The following LRP2 variants were observed in gnomAD, a reference collection of about 807,000 sequenced individuals.
LRP2 encodes the protein low-density lipoprotein receptor-related protein 2.
In LRP2, 172 loss-of-function variants were observed where a neutral mutation model predicts 531.0. The ratio of observed to expected loss-of-function variants is 0.32; its 90% CI spans 0.29 to 0.37. The LOEUF (loss-of-function observed/expected upper bound fraction) is 0.37, where lower values mean the gene tolerates loss of function less well. Among genes scored for constraint, LRP2 ranks in the 10% least tolerant of loss-of-function variants. LRP2 has a pLI of 1.00. For synonymous variants in LRP2, 1,992 were observed against 2,027.6 expected, an observed-to-expected ratio of 0.98 and a Z score of 0.47; for missense variants, 5,167 against 5,868.3, an observed-to-expected ratio of 0.88 and a Z score of 3.90.
intron 4 of LRP2, among the ~76,000 whole-genome samples, chr2:169,299,194 T>A (rs1684225744): frequency 2.7e-5 from 4 of 146,996 alleles, no homozygotes; most frequent in South Asian, 2.2e-4. Context: ...AGAAAGAAAT[T>A]CAGCACCTTG....
intron 4 of LRP2, among the ~76,000 whole-genome samples, chr2:169,301,244 T>C (rs1684277766): frequency 6.6e-6 from 1 of 152,090 alleles, no homozygotes; most frequent in African/African-American, 2.4e-5. Context: ...AACTGTACTA[T>C]TTTTGAGCAA....
chr2:169,290,700 A>G lies in LRP2; in HGVS notation c.922+145T>C, dbSNP rs571837750. On this transcript the variant is annotated intron_variant, in intron 8 of 78. Coordinates refer to ENST00000649046, the MANE Select transcript of LRP2 (RefSeq NM_004525.3). ...TAGCCAACCCACAGAACTGTGAGAA[A>G]TAAGACACGTTTCTCAGTTTATGCC... 2.3e-4 allele frequency: 200 copies of G among 853,782 alleles called. 2 individuals carry two copies. The South Asian group carries it at 3.0e-3, about 13-fold the overall frequency. 52.9% of individuals were successfully genotyped at this position (853,782 alleles called of 1,614,324 possible).
intron 61 of LRP2, among the ~76,000 whole-genome samples, chr2:169,167,244 A>G (rs1203585214): frequency 1.3e-5 from 2 of 152,238 alleles, no homozygotes; most frequent in African/African-American, 4.8e-5. Flanking sequence ...TAACAAGTAA[A>G]GAAAAATGTT....
Position 169,318,781 on chromosome 2 carries a change from T to C in LRP2, c.291A>G (p.Ser97=). The change falls in exon 3 of 79, where the codon TCA becomes TCG. Residue 97 remains serine (S), a synonymous_variant. Transcript: ENST00000649046. Reference sequence around the variant, plus strand: ...ACTTACAGCAATCTTGACGTTCATCTGAGCCATCATCACAGTCTTGATCTT... The same window carrying C: ...ACTTACAGCAATCTTGACGTTCATCCGAGCCATCATCACAGTCTTGATCTT... ...CDQDQDCDDG[S]DERQDCSQST... 1 of 1,614,170 alleles carries C rather than the reference T, an allele frequency of 6.2e-7. No individual in the cohort carries two copies. Among genetic ancestry groups the C allele is most frequent in the East Asian group, 2.2e-5 (1 of 44,888 alleles).
chr2:169,296,760 C>T (rs560685668), intron 4 of LRP2, among the ~76,000 whole-genome samples: 1 of 152,004 alleles, frequency 6.6e-6, no homozygotes, highest in South Asian at 2.1e-4. Flanking sequence ...AGAGCCAGTG[C>T]CAGAAAATTG....
intron 4 of LRP2, among the ~76,000 whole-genome samples, chr2:169,305,088 G>C (rs1334724052): frequency 6.6e-6 from 1 of 152,076 alleles, no homozygotes. Context: ...AAAATAAATA[G>C]ATAAATAAGA....
In LRP2 at chr2:169,204,283, C is replaced by CA. The variant is rs754348745; in HGVS notation, c.7716-13dup. On this transcript the variant is annotated splice_polypyrimidine_tract_variant and intron_variant, in intron 41 of 78. Coordinates refer to ENST00000649046, the MANE Select transcript of LRP2 (RefSeq NM_004525.3). Reference sequence around the variant, plus strand: ...GTTCAATCCTCTGCCTAAAATGAAGCAAAAAAAAATTTAGAAGTTGAAATC... The same window carrying CA: ...GTTCAATCCTCTGCCTAAAATGAAGCAAAAAAAAAATTTAGAAGTTGAAATC... The CA allele has an allele frequency of 7.1e-5, 113 of 1,599,346 alleles. No homozygotes were observed. The highest frequency in any genetic ancestry group is 1.7e-4 in the Middle Eastern group (1 of 6,004).
In LRP2 at chr2:169,173,218, G is replaced by C. The variant is rs772532904; in HGVS notation, c.11021C>G (p.Ser3674Cys). 3.1e-6 allele frequency: 5 copies of C among 1,614,162 alleles called. No homozygotes were observed. The South Asian group carries it at 5.5e-5, about 18-fold the overall frequency. Residue 3674 changes from serine to cysteine, a missense_variant, in exon 57 of 79, where the codon TCT becomes TGT. Transcript: ENST00000649046. ...TGTGAAGTTGTCACAGAGATGGGCA[G>C]AGCTCACTGAAAAGGGAGGAGGCAT... ...SDEPIEECMS[S>C]AHLCDNFTEF...
intron 71 of LRP2, among the ~76,000 whole-genome samples, chr2:169,141,523 A>G (rs1685717742): frequency 6.6e-6 from 1 of 152,242 alleles, no homozygotes; most frequent in African/African-American, 2.4e-5. Context: ...TAATTGCTTA[A>G]TTATTATACC....
At position 169,280,676 on chromosome 2, in the gene LRP2, T is replaced by A. The variant is rs574747078; in HGVS notation, c.1172-157A>T. On this transcript the variant is annotated intron_variant, in intron 10 of 78. Transcript: ENST00000649046. ...CTCTGAGGCAGACAGATAGCTAGCA[T>A]TCTATCCATTTTACAGAAGGGCAAA... Among the ~76,000 whole-genome samples the A allele has an allele frequency of 4.6e-5, 7 of 152,292 alleles. 1 individual carries two copies. The South Asian group carries it at 1.5e-3, about 32-fold the overall frequency.
chr2:169,148,423 A>G (rs1685999911), intron 68 of LRP2, among the ~76,000 whole-genome samples: 1 of 152,218 alleles, frequency 6.6e-6, no homozygotes, highest in African/African-American at 2.4e-5. Flanking sequence ...TGAATTGTAC[A>G]CTTTAAATGG....
chr2:169,360,288 A>G (rs1686114593), intron 1 of LRP2, among the ~76,000 whole-genome samples: 2 of 152,190 alleles, frequency 1.3e-5, no homozygotes, highest in African/African-American at 4.8e-5. Flanking sequence ...CCACTTTCTC[A>G]TCTGTAAAAC....
At position 169,172,083 on chromosome 2, in the gene LRP2, C is replaced by A. The variant is rs1217662405; in HGVS notation, c.11195G>T (p.Cys3732Phe). 1 of 1,614,206 alleles carries A rather than the reference C, an allele frequency of 6.2e-7. No homozygotes were observed. The highest frequency in any genetic ancestry group is 8.5e-7 in the Non-Finnish European group (1 of 1,180,018). Residue 3732 changes from cysteine (C) to phenylalanine (F), a missense_variant, in exon 58 of 79, where the codon TGC (cysteine) becomes TTC (phenylalanine). This residue lies in a region of LRP2 where 311 missense variants were observed against 309.4 expected (regional missense o/e 1.01). Coordinates refer to ENST00000649046, the MANE Select transcript of LRP2 (RefSeq NM_004525.3). Reference protein sequence around the residue: ...VGDFRCKNHHCIPLRWQCDGQ... With the variant: ...VGDFRCKNHHFIPLRWQCDGQ... Reference sequence around the variant, plus strand: ...ATCACACTGCCAACGAAGAGGGATGCAGTGGTGATTTTTACAGCGGAAATC... The same window carrying A: ...ATCACACTGCCAACGAAGAGGGATGAAGTGGTGATTTTTACAGCGGAAATC...
In LRP2 at chr2:169,206,312, C is replaced by A. The variant is rs745612343; in HGVS notation, c.7390+18G>T. On this transcript the variant is annotated intron_variant, in intron 39 of 78. Coordinates refer to ENST00000649046, the MANE Select transcript of LRP2 (RefSeq NM_004525.3). ...TTGTGTCTACTTGCAGGACAAGCAG[C>A]ACCTGGAGTGCACTTACCTGAAGCA... The A allele has an allele frequency of 2.5e-6, 4 of 1,612,960 alleles. No homozygotes were observed.
intron 16 of LRP2, among the ~76,000 whole-genome samples, chr2:169,259,454 T>G (rs979879618): frequency 6.6e-6 from 1 of 151,724 alleles, no homozygotes; most frequent in Non-Finnish European, 1.5e-5. Context: ...GATATGATAC[T>G]GACAAACAGA....
At chr2:169,340,817 T>C (rs1474328297) in intron 1 of LRP2, among the ~76,000 whole-genome samples, 2 of 152,164 alleles carry the variant, frequency 1.3e-5, no homozygotes, top group Non-Finnish European at 2.9e-5. Flanking sequence ...AGAGCATGCC[T>C]ATTACCTCCC....
chr2:169,196,898 C>T lies in LRP2; in HGVS notation c.8698+13G>A, dbSNP rs368675240. The T allele has an allele frequency of 1.1e-5, 17 of 1,614,064 alleles. No individual in the cohort carries two copies. The highest frequency in any genetic ancestry group is 1.4e-5 in the Non-Finnish European group (16 of 1,179,980). On this transcript the variant is annotated intron_variant, in intron 46 of 78. Transcript: ENST00000649046. ...TGCATCGTGATGTTTTTCATGCTTG[C>T]TTACTCTCTTACCACAAGAGGCAGG...
chr2:169,143,707 G>T (rs1343634956), intron 70 of LRP2, among the ~76,000 whole-genome samples: 1 of 152,178 alleles, frequency 6.6e-6, no homozygotes, highest in Non-Finnish European at 1.5e-5. Flanking sequence ...ATTCAGATTT[G>T]AATTGGTCTG....
intron 1 of LRP2, among the ~76,000 whole-genome samples, chr2:169,324,871 T>C (rs1271502051): frequency 6.6e-6 from 1 of 152,128 alleles, no homozygotes; most frequent in African/African-American, 2.4e-5. Context: ...AGCTAATGCA[T>C]GTTCGTCAGG....
Sources: allele counts gnomAD v4.1 joint callset (sites outside exome capture counted in the v4.1 genomes callset), GRCh38; gene constraint gnomAD v4.1.1; regional missense constraint gnomAD v4.1.1; transcripts MANE v1.5; gene names NCBI Gene and HGNC (gene_info 2026-07-23, HGNC 2026-07-21).